Variants in RNF19A observed in about 807,000 individuals in gnomAD.
RNF19A encodes E3 ubiquitin-protein ligase RNF19A.
In RNF19A, 32 loss-of-function variants were observed where a neutral mutation model predicts 75.7. The observed-to-expected ratio is 0.42, with a 90% CI of 0.32 to 0.57. The LOEUF (loss-of-function observed/expected upper bound fraction) is 0.57, where lower values mean the gene tolerates loss of function less well. Among genes scored for constraint, RNF19A ranks in the 20% least tolerant of loss-of-function variants. The pLI, the probability that RNF19A is intolerant of heterozygous loss-of-function variation, is 0.10. For missense variants in RNF19A, 782 were observed against 1,036.3 expected (o/e 0.75, Z 3.37); for synonymous variants, 335 against 345.2 (o/e 0.97, Z 0.33).
chr8:100,294,611 TC>T (rs1240296810), intron 1 of RNF19A, among the ~76,000 whole-genome samples: 1 of 71,836 alleles, frequency 1.4e-5, no homozygotes. Flanking sequence ...CCAGTAAGAC[TC>T]TTGATTTTCT....
rs570050903 is a variant in RNF19A, at chr8:100,317,302, G to A, written c.-242-3930C>T. Among the ~76,000 whole-genome samples, 34 of 152,342 alleles carry A rather than the reference G, an allele frequency of 2.2e-4. 1 individual carries two copies. Among genetic ancestry groups the A allele is most frequent in the African/African-American group, 7.0e-4 (29 of 41,576 alleles). On this transcript the variant is annotated intron_variant, in intron 1 of 3. Coordinates refer to the RNF19A transcript ENST00000519527. This position sits in a 1 kb window ranked among gnomAD's most constrained non-coding sequence, Gnocchi z 4.3. ...TGGGAGCCCAGGCAGAGGAGGTGCCGAGAGCAAGCGAGGGCTCTGAGGACT... is the reference window on the plus strand; with the variant it reads ...TGGGAGCCCAGGCAGAGGAGGTGCCAAGAGCAAGCGAGGGCTCTGAGGACT...
Position 100,259,382 on chromosome 8 carries a change from C to T in RNF19A, c.1827-136G>A. ...ACACCTTAACGCAGAACACGTTCTA[C>T]TTAAAAAACATACTTGATATAACAG... On this transcript the variant is annotated intron_variant, in intron 9 of 9. Transcript: ENST00000341084. The surrounding 1 kb of genome is among the most constrained non-coding windows in gnomAD (Gnocchi z 4.5). 1.5e-6 allele frequency: 1 copy of T among 662,106 alleles called. No individual in the cohort carries two copies. The highest frequency in any genetic ancestry group is 2.6e-6 in the Non-Finnish European group (1 of 390,074). The allele number at this position is 662,106 out of a possible 1,614,324, so 41.0% of individuals were successfully genotyped here.
intron 1 of RNF19A, among the ~76,000 whole-genome samples, chr8:100,318,351 C>T (rs1660311): frequency 0.32 from 49,211 of 152,048 alleles, 8,656 homozygotes; most frequent in East Asian, 0.41. Context: ...TTAACTCACT[C>T]TTGGCTTAAA....
chr8:100,261,713 C>G lies in RNF19A; in HGVS notation c.1511G>C (p.Gly504Ala). The part of the protein sequence containing the change: ...VAEARHNPSI[G>A]EGSVGGLTGS... Reference sequence around the variant, plus strand: ...AGTCAGCCCACCAACACTTCCCTCCCCTATGCTTGGGTTGTGTCTTGCTTC... The same window carrying G: ...AGTCAGCCCACCAACACTTCCCTCCGCTATGCTTGGGTTGTGTCTTGCTTC... The change falls in exon 8 of 10, where the codon GGG (glycine) becomes GCG (alanine). Residue 504 changes from glycine to alanine, a missense_variant. Physicochemically the swap from Gly to Ala is moderately conservative, Grantham distance 60. This residue lies in a region of RNF19A where 442 missense variants were observed against 541.6 expected (regional missense o/e 0.82). Coordinates refer to ENST00000341084, the MANE Select transcript of RNF19A (RefSeq NM_183419.4). The surrounding 1 kb of genome is among the most constrained non-coding windows in gnomAD (Gnocchi z 4.4). The G allele has an allele frequency of 1.9e-6, 3 of 1,614,142 alleles. No individual in the cohort carries two copies. The highest frequency in any genetic ancestry group is 2.5e-6 in the Non-Finnish European group (3 of 1,180,018).
chr8:100,332,109 T>C lies in RNF19A; in HGVS notation c.-243+3999A>G. 6.6e-6 allele frequency among the ~76,000 whole-genome samples: 1 copy of C among 152,262 alleles called. No homozygotes were observed. Among genetic ancestry groups the C allele is most frequent in the East Asian group, 1.9e-4 (1 of 5,208 alleles). ...TATTTTACACATATTGTGAATTACC[T>C]GTAGGATAAATTCCTAAAAGTGGAA... On this transcript the variant is annotated intron_variant, in intron 1 of 3. Coordinates refer to the RNF19A transcript ENST00000519527. The surrounding 1 kb of genome is among the most constrained non-coding windows in gnomAD (Gnocchi z 4.8).
intron 1 of RNF19A, among the ~76,000 whole-genome samples, chr8:100,289,483 G>A (rs894726427): frequency 1.3e-5 from 2 of 152,110 alleles, no homozygotes. Flanking sequence ...AGAAAACATA[G>A]ACAATCCAAT....
chr8:100,324,840 T>TC lies in RNF19A; in HGVS notation c.-243+11267dup, dbSNP rs1404695061. On this transcript the variant is annotated intron_variant, in intron 1 of 3. Coordinates refer to the RNF19A transcript ENST00000519527. This position sits in a 1 kb window ranked among gnomAD's most constrained non-coding sequence, Gnocchi z 4.2. The stretch of plus-strand genomic sequence containing the variant: ...TCCTTCCTTCCTTCCTCCTTCTTCC[T>TC]CCCTCCCTCCCTCCTTCCTTTCTCT... Among the ~76,000 whole-genome samples, 1 of 151,392 alleles carries TC rather than the reference T, an allele frequency of 6.6e-6. No individual in the cohort carries two copies. Among genetic ancestry groups the TC allele is most frequent in the Non-Finnish European group, 1.5e-5 (1 of 67,654 alleles).
intron 1 of RNF19A, among the ~76,000 whole-genome samples, chr8:100,304,001 GC>G (rs1165894185): frequency 6.6e-6 from 1 of 151,988 alleles, no homozygotes; most frequent in Non-Finnish European, 1.5e-5. Context: ...TTGTCACCCT[GC>G]CTGGAGTGCA....
At chr8:100,279,304 A>G (rs1018291119) in intron 2 of RNF19A, among the ~76,000 whole-genome samples, 1 of 152,204 alleles carries the variant, frequency 6.6e-6, no homozygotes, top group African/African-American at 2.4e-5. Context: ...AATAGCTGGT[A>G]GTGTAGGGGA....
Position 100,259,367 on chromosome 8 carries a change from G to A in RNF19A, c.1827-121C>T, listed in dbSNP as rs968019584. On this transcript the variant is annotated intron_variant, in intron 9 of 9. Coordinates refer to ENST00000341084, the MANE Select transcript of RNF19A (RefSeq NM_183419.4). The surrounding 1 kb of genome is among the most constrained non-coding windows in gnomAD (Gnocchi z 4.5). ...ATATAAGCTATGAGAACACCTTAAC[G>A]CAGAACACGTTCTACTTAAAAAACA... 1.4e-5 allele frequency: 10 copies of A among 715,476 alleles called. No homozygotes were observed. Among genetic ancestry groups the A allele is most frequent in the East Asian group, 5.1e-5 (2 of 39,388 alleles). 44.3% of individuals were successfully genotyped at this position (715,476 alleles called of 1,614,324 possible).
chr8:100,282,452 A>G (rs1820823097), intron 2 of RNF19A, among the ~76,000 whole-genome samples: 1 of 152,198 alleles, frequency 6.6e-6, no homozygotes, highest in African/African-American at 2.4e-5. Flanking sequence ...ACCTGGGTTA[A>G]TTTTATGGTT....
intron 1 of RNF19A, among the ~76,000 whole-genome samples, chr8:100,301,633 T>C (rs1821833966): frequency 1.3e-5 from 2 of 152,240 alleles, no homozygotes; most frequent in Non-Finnish European, 1.5e-5. Flanking sequence ...CCTACTCCTC[T>C]TTCAAGGCCC....
intron 1 of RNF19A, among the ~76,000 whole-genome samples, chr8:100,308,440 T>G (rs1376747510): frequency 6.6e-6 from 1 of 152,324 alleles, no homozygotes; most frequent in South Asian, 2.1e-4. Flanking sequence ...CGCCATTTTC[T>G]AAATAGAGAA....
intron 5 of RNF19A, among the ~76,000 whole-genome samples, chr8:100,265,807 T>TCAGAATCCCATTTCCCAGC (rs1193393089): frequency 4.6e-5 from 7 of 152,188 alleles, no homozygotes; most frequent in Non-Finnish European, 8.8e-5. Flanking sequence ...TATTTCCTAG[T>TCAGAATCCCATTTCCCAGC]CAGAATCCCA....
Position 100,324,961 on chromosome 8 carries a change from C to T in RNF19A, c.-243+11147G>A, listed in dbSNP as rs192893594. ...TCACTCTGTCACCCAGGCTGGAGTGCAATGGCACAACCTCAGCTTACTGCA... is the reference window on the plus strand; with the variant it reads ...TCACTCTGTCACCCAGGCTGGAGTGTAATGGCACAACCTCAGCTTACTGCA... On this transcript the variant is annotated intron_variant, in intron 1 of 3. Transcript: ENST00000519527. This position sits in a 1 kb window ranked among gnomAD's most constrained non-coding sequence, Gnocchi z 4.2. Among the ~76,000 whole-genome samples, 144 of 151,920 alleles carry T rather than the reference C, an allele frequency of 9.5e-4. No individual in the cohort carries two copies. The highest frequency in any genetic ancestry group is 3.4e-3 in the African/African-American group (142 of 41,388).
intron 1 of RNF19A, among the ~76,000 whole-genome samples, chr8:100,321,010 T>C (rs184450269): frequency 1.3e-5 from 2 of 152,358 alleles, no homozygotes; most frequent in Admixed American, 6.5e-5. Flanking sequence ...GTCAAAGACA[T>C]AATCTTTTTG....
At chr8:100,267,459 TG>T (rs1193527703) in intron 5 of RNF19A, among the ~76,000 whole-genome samples, 1 of 152,096 alleles carries the variant, frequency 6.6e-6, no homozygotes, top group Non-Finnish European at 1.5e-5. Flanking sequence ...AGCCTCCACT[TG>T]CCCATCTCAA....
rs1158975998 is a variant in RNF19A, at chr8:100,298,978, G to A, written c.-93-10711C>T. On this transcript the variant is annotated intron_variant, in intron 1 of 9. Coordinates refer to ENST00000341084, the MANE Select transcript of RNF19A (RefSeq NM_183419.4). ...TAAGTTTTTAAATAGGTTTAAAAAA[G>A]ATACCTAGCTGTCAAAAATTTCCTT... Among the ~76,000 whole-genome samples the A allele has an allele frequency of 2.0e-5, 3 of 152,250 alleles. No homozygotes were observed. In the East Asian group the frequency reaches 5.8e-4, roughly 29 times the overall value.
intron 1 of RNF19A, among the ~76,000 whole-genome samples, chr8:100,301,132 T>G (rs1381661611): frequency 6.6e-6 from 1 of 152,256 alleles, no homozygotes; most frequent in South Asian, 2.1e-4. Context: ...TCCTCAGTTG[T>G]GCTAGTCACA....
Sources: allele counts gnomAD v4.1 joint callset (sites outside exome capture counted in the v4.1 genomes callset), GRCh38; gene constraint gnomAD v4.1.1; regional missense constraint gnomAD v4.1.1; non-coding constraint Gnocchi (gnomAD v3.1); transcripts MANE v1.5; gene names NCBI Gene and HGNC (gene_info 2026-07-23, HGNC 2026-07-21).